Variants in OCA2 observed in about 807,000 individuals in gnomAD.
OCA2 encodes the protein OCA2 melanosomal transmembrane protein.
OCA2 carries 77 observed loss-of-function variants against 100.2 expected under a neutral mutation model. That is an observed-to-expected ratio of 0.77 (90% confidence interval 0.64 to 0.93). The LOEUF (loss-of-function observed/expected upper bound fraction) is 0.93. Among genes scored for constraint, OCA2 ranks in the 40% least tolerant of loss-of-function variants. The pLI is 0.00. For missense variants in OCA2, 1,062 were observed against 1,089.1 expected (o/e 0.98, Z 0.35); for synonymous variants, 432 against 439.2 (o/e 0.98, Z 0.21).
At chr15:28,032,809 A>G (rs891107430) in intron 2 of OCA2, among the ~76,000 whole-genome samples, 1 of 146,442 alleles carries the variant, frequency 6.8e-6, no homozygotes, top group Non-Finnish European at 1.5e-5. Context: ...AAAAAAAAAA[A>G]CAAAACAAAA....
chr15:27,776,639 GCT>G (rs796477223), intron 23 of OCA2: 2 of 152,240 alleles, frequency 1.3e-5, no homozygotes, highest in Non-Finnish European at 2.9e-5. Flanking sequence ...GCCTGCGGAG[GCT>G]CTCTCTCCTG....
intron 1 of OCA2, among the ~76,000 whole-genome samples, chr15:28,096,855 C>T (rs536839668): frequency 3.6e-4 from 55 of 151,888 alleles, no homozygotes; most frequent in African/African-American, 1.3e-3. Context: ...CCGGGACTGG[C>T]GGCCCCGCGG....
chr15:28,015,198 A>G (rs986170686), intron 8 of OCA2, among the ~76,000 whole-genome samples: 16 of 152,046 alleles, frequency 1.1e-4, no homozygotes, highest in African/African-American at 3.9e-4. Context: ...TGCACAGAAG[A>G]CGCCAGCCAT....
intron 14 of OCA2, among the ~76,000 whole-genome samples, chr15:27,980,190 C>T (rs1024966977): frequency 2.6e-5 from 4 of 151,920 alleles, no homozygotes; most frequent in Admixed American, 6.6e-5. Flanking sequence ...TGCAGTGGCA[C>T]GATCTCGGCT....
chr15:27,893,512 G>A (rs1389406148), intron 19 of OCA2, among the ~76,000 whole-genome samples: 1 of 152,122 alleles, frequency 6.6e-6, no homozygotes, highest in Non-Finnish European at 1.5e-5. Context: ...GTGCAAGTAG[G>A]AAATATATCA....
chr15:27,948,050 T>C (rs1334192693), intron 18 of OCA2, among the ~76,000 whole-genome samples: 1 of 152,142 alleles, frequency 6.6e-6, no homozygotes, highest in African/African-American at 2.4e-5. Flanking sequence ...CTTCTACTAA[T>C]GAACCAGGCA....
At chr15:27,851,654 C>T (rs946393182) in intron 21 of OCA2, among the ~76,000 whole-genome samples, 179 bp from the exon 22 acceptor site, 1 of 152,234 alleles carries the variant, frequency 6.6e-6, no homozygotes, top group African/African-American at 2.4e-5. Flanking sequence ...TTGAACTCAT[C>T]TGTATGTCTT....
intron 19 of OCA2, among the ~76,000 whole-genome samples, chr15:27,912,884 G>A (rs1406965849): frequency 6.6e-6 from 1 of 152,186 alleles, no homozygotes; most frequent in Admixed American, 6.5e-5. Flanking sequence ...AACACTTTCA[G>A]TAATAGGACA....
chr15:27,926,332 T>TCTGGTG, intron 18 of OCA2, 78 bp from the exon 19 acceptor site: 1 of 1,483,278 alleles, frequency 6.7e-7, no homozygotes. Context: ...TCTGGTTGCC[T>TCTGGTG]TTTTCTTTAT....
intron 23 of OCA2, among the ~76,000 whole-genome samples, chr15:27,831,246 A>G (rs540227792): frequency 7.3e-6 from 1 of 137,564 alleles, no homozygotes; most frequent in African/African-American, 2.7e-5. Context: ...AGATTGTGCC[A>G]CTGCACTCCA....
intron 18 of OCA2, 124 bp downstream of exon 18, chr15:27,951,660 A>C (rs906265509): frequency 9.3e-6 from 7 of 750,446 alleles, no homozygotes; most frequent in African/African-American, 1.7e-5. Context: ...CCTCCATCTC[A>C]GCCCTCTCTG....
chr15:27,777,979 C>A (rs1182654693), intron 23 of OCA2, among the ~76,000 whole-genome samples: 1 of 152,104 alleles, frequency 6.6e-6, no homozygotes, highest in African/African-American at 2.4e-5. Context: ...TTTAACAAGC[C>A]TGTGATGAAC....
chr15:27,825,289 G>GC (rs2034674889), intron 23 of OCA2, among the ~76,000 whole-genome samples: 1 of 152,160 alleles, frequency 6.6e-6, no homozygotes, highest in Admixed American at 6.5e-5. Context: ...GTGTGCCCAA[G>GC]CCCACGCGTC....
intron 2 of OCA2, among the ~76,000 whole-genome samples, chr15:28,070,313 G>A (rs1300418310): frequency 2.2e-5 from 3 of 136,424 alleles, no homozygotes; most frequent in Non-Finnish European, 3.1e-5. Flanking sequence ...AGGGAGGTGG[G>A]GGGGGGTCAG....
At position 28,092,567 on chromosome 15, in the gene OCA2, G is replaced by C. The variant is rs1041098478; in HGVS notation, c.-22+6657C>G. 5.3e-5 allele frequency among the ~76,000 whole-genome samples: 8 copies of C among 152,204 alleles called. 1 individual carries two copies. The highest frequency in any genetic ancestry group is 3.9e-4 in the East Asian group (2 of 5,172). On this transcript the variant is annotated intron_variant, in intron 1 of 23. Transcript: ENST00000354638. ...GGGGTCTTACTATGGTGCCCAGTCT[G>C]GTCTCAAACTCCTGGGATCAAGTGA...
chr15:28,002,858 G>A (rs1483217898), intron 9 of OCA2, among the ~76,000 whole-genome samples: 2 of 152,214 alleles, frequency 1.3e-5, no homozygotes, highest in East Asian at 1.9e-4. Flanking sequence ...GTGACCCAAG[G>A]AGAAGGTATA....
intron 9 of OCA2, among the ~76,000 whole-genome samples, chr15:28,006,928 T>C (rs897461393): frequency 6.6e-6 from 1 of 152,214 alleles, no homozygotes; most frequent in African/African-American, 2.4e-5. Flanking sequence ...TTTCTGTAAA[T>C]TAAAAATGGA....
At chr15:27,770,509 C>T (rs539236994) in intron 23 of OCA2, among the ~76,000 whole-genome samples, 42 of 123,320 alleles carry the variant, frequency 3.4e-4, no homozygotes, top group Admixed American at 1.7e-4. Flanking sequence ...CAGGACCCTC[C>T]CCGCAGGCCG....
chr15:27,811,024 C>A (rs1056105714), intron 23 of OCA2, among the ~76,000 whole-genome samples: 3 of 149,314 alleles, frequency 2.0e-5, no homozygotes, highest in Admixed American at 1.4e-4. Flanking sequence ...TACTGAGTAT[C>A]TACCCAAAGG....
Sources: gnomAD v4.1 joint callset for allele counts (sites outside exome capture counted in the v4.1 genomes callset) on GRCh38, gnomAD v4.1.1 for gene constraint, MANE v1.5 for transcripts, NCBI Gene and HGNC (gene_info 2026-07-23, HGNC 2026-07-21) for gene names.